ODAD2: variants seen among roughly 807,000 people sequenced by gnomAD.
ODAD2 encodes outer dynein arm docking complex subunit 2, also known as outer dynein arm-docking complex subunit 2.
Under a neutral mutation model 106.8 loss-of-function variants are expected in ODAD2, and 89 were observed. That is an observed-to-expected ratio of 0.83 (90% confidence interval 0.70 to 0.99). ODAD2 has a LOEUF of 0.99. ODAD2 is among the 50% of genes least tolerant of loss of function. ODAD2 has a pLI of 0.00. For missense variants in ODAD2, 1,168 were observed against 1,238.5 expected, an observed-to-expected ratio of 0.94 and a Z score of 0.85; for synonymous variants, 404 against 436.2, an observed-to-expected ratio of 0.93 and a Z score of 0.92.
At position 27,869,121 on chromosome 10, in the gene ODAD2, T is replaced by C. The variant is rs180907605; in HGVS notation, c.2611-6499A>G. ...TGAAAGATATCTATAAAGAATTAGA[T>C]ATAAAATAAAAATGCATTTTTGAAA... On this transcript the variant is annotated intron_variant, in intron 17 of 19. Transcript: ENST00000305242. 1.8e-4 allele frequency among the ~76,000 whole-genome samples: 28 copies of C among 152,074 alleles called. 1 individual carries two copies. Among genetic ancestry groups the C allele is most frequent in the Admixed American group, 1.1e-3 (17 of 15,270 alleles).
chr10:27,847,016 C>A (rs1838823500), intron 19 of ODAD2, among the ~76,000 whole-genome samples: 1 of 152,210 alleles, frequency 6.6e-6, no homozygotes, highest in African/African-American at 2.4e-5. Flanking sequence ...GGGGACCATT[C>A]CTTCTGAAAC....
intron 12 of ODAD2, among the ~76,000 whole-genome samples, chr10:27,941,700 G>A (rs1448827678): frequency 2.0e-5 from 3 of 151,158 alleles, no homozygotes; most frequent in African/African-American, 7.3e-5. Flanking sequence ...CCCCATGGAG[G>A]AAGGGAAGTC....
chr10:27,889,660 T>A (rs946226087), intron 17 of ODAD2, among the ~76,000 whole-genome samples: 1 of 152,244 alleles, frequency 6.6e-6, no homozygotes, highest in South Asian at 2.1e-4. Flanking sequence ...GATCTCACAG[T>A]TTCACACATG....
intron 2 of ODAD2, among the ~76,000 whole-genome samples, chr10:27,992,979 A>C (rs1850318741): frequency 6.6e-6 from 1 of 152,104 alleles, no homozygotes; most frequent in Non-Finnish European, 1.5e-5. Context: ...TCTGTGGTGC[A>C]ATCTCGGCTC....
At chr10:27,815,615 T>A (rs1796617159) in intron 19 of ODAD2, among the ~76,000 whole-genome samples, 1 of 152,232 alleles carries the variant, frequency 6.6e-6, no homozygotes, top group South Asian at 2.1e-4. Flanking sequence ...ACTGGCTTCT[T>A]CTACCGTACT....
intron 19 of ODAD2, among the ~76,000 whole-genome samples, chr10:27,814,874 A>G (rs922714273): frequency 3.3e-5 from 5 of 152,204 alleles, no homozygotes; most frequent in African/African-American, 1.2e-4. Flanking sequence ...TGTCAACAAC[A>G]AGGCAAATCC....
At chr10:27,939,787 A>C in intron 14 of ODAD2, 110 bp downstream of exon 14, 1 of 502,554 alleles carries the variant, frequency 2.0e-6, no homozygotes, top group Middle Eastern at 3.3e-4. Flanking sequence ...TAAATAAATA[A>C]AATGCAGATT....
At chr10:27,974,721 C>T (rs1182545843) in intron 7 of ODAD2, among the ~76,000 whole-genome samples, 1 of 139,966 alleles carries the variant, frequency 7.1e-6, no homozygotes, top group Non-Finnish European at 1.5e-5. Flanking sequence ...ATTGCCTTGG[C>T]TATTCTTTTC....
At chr10:27,939,552 C>G (rs1327006999) in intron 14 of ODAD2, among the ~76,000 whole-genome samples, 1 of 151,786 alleles carries the variant, frequency 6.6e-6, no homozygotes, top group Admixed American at 6.6e-5. Context: ...AAAATAACTC[C>G]ATCTCTACCA....
chr10:27,971,599 C>G (rs1848868342), intron 7 of ODAD2, among the ~76,000 whole-genome samples: 2 of 152,126 alleles, frequency 1.3e-5, no homozygotes, highest in South Asian at 4.1e-4. Context: ...CAACCAAAAC[C>G]CTCTATTGAC....
intron 10 of ODAD2, chr10:27,959,028 A>C (rs34350686): frequency 0.44 from 572,808 of 1,297,570 alleles, 130,047 homozygotes; most frequent in Middle Eastern, 0.55. Flanking sequence ...GGACTCTCTT[A>C]ATTCATCTTC....
intron 15 of ODAD2, among the ~76,000 whole-genome samples, 177 bp from the exon 16 acceptor site, chr10:27,935,429 T>TGCTCCAGACCTGCACCC (rs1317659406): frequency 1.3e-5 from 2 of 152,182 alleles, no homozygotes; most frequent in Non-Finnish European, 2.9e-5. Context: ...CCCAGCCATC[T>TGCTCCAGACCTGCACCC]GCTCCAGACC....
intron 19 of ODAD2, among the ~76,000 whole-genome samples, chr10:27,830,216 T>G (rs1046220630): frequency 4.6e-5 from 7 of 152,314 alleles, no homozygotes; most frequent in African/African-American, 1.7e-4. Context: ...TTTCCCGGAA[T>G]GTCTTTCTCA....
At chr10:27,909,196 G>T (rs1843810720) in intron 16 of ODAD2, among the ~76,000 whole-genome samples, 1 of 151,948 alleles carries the variant, frequency 6.6e-6, no homozygotes, top group Non-Finnish European at 1.5e-5. Flanking sequence ...ATAATGGCCT[G>T]CCCTATCTTC....
intron 17 of ODAD2, among the ~76,000 whole-genome samples, chr10:27,896,066 T>A (rs1407436005): frequency 6.6e-6 from 1 of 152,226 alleles, no homozygotes. Flanking sequence ...TCTTCAACAT[T>A]TTGCTCACAT....
intron 16 of ODAD2, among the ~76,000 whole-genome samples, chr10:27,914,708 A>G (rs191421229): frequency 8.5e-5 from 13 of 152,154 alleles, no homozygotes; most frequent in Non-Finnish European, 1.8e-4. Flanking sequence ...ATGTGTGTGT[A>G]TATAAATATG....
At chr10:27,882,225 G>GAAAGAAAT (rs1554799102) in intron 17 of ODAD2, among the ~76,000 whole-genome samples, 30 of 150,724 alleles carry the variant, frequency 2.0e-4, no homozygotes, top group African/African-American at 6.8e-4. Flanking sequence ...AAGAAAGAAA[G>GAAAGAAAT]AAAGAAAGAA....
intron 17 of ODAD2, among the ~76,000 whole-genome samples, chr10:27,900,640 A>C (rs1300576226): frequency 6.6e-6 from 1 of 152,186 alleles, no homozygotes; most frequent in African/African-American, 2.4e-5. Context: ...GAGCTGAAAA[A>C]CACGGCAAAA....
intron 2 of ODAD2, among the ~76,000 whole-genome samples, chr10:27,990,848 T>C (rs977788821): frequency 1.3e-5 from 2 of 152,180 alleles, no homozygotes; most frequent in Non-Finnish European, 2.9e-5. Flanking sequence ...GAATATATTT[T>C]TATCTCGATG....
Sources: gnomAD v4.1 joint callset for allele counts (sites outside exome capture counted in the v4.1 genomes callset) on GRCh38, gnomAD v4.1.1 for gene constraint, MANE v1.5 for transcripts, NCBI Gene and HGNC (gene_info 2026-07-23, HGNC 2026-07-21) for gene names.